Variants in ULK4 observed in about 807,000 individuals in gnomAD.
ULK4 encodes the protein unc-51 like kinase 4, also known as inactive serine/threonine-protein kinase ULK4.
Under a neutral mutation model 160.6 loss-of-function variants are expected in ULK4, and 133 were observed. The observed-to-expected ratio is 0.83, with a 90% CI of 0.72 to 0.96. The LOEUF is 0.96. Among genes scored for constraint, ULK4 ranks in the 40% least tolerant of loss-of-function variants. The pLI, the probability that ULK4 is intolerant of heterozygous loss-of-function variation, is 0.00. For synonymous variants in ULK4, 534 were observed against 539.8 expected (o/e 0.99, Z 0.15); for missense variants, 1,580 against 1,499.5 (o/e 1.05, Z -0.89).
At chr3:41,738,026 C>T (rs1381473124) in intron 22 of ULK4, among the ~76,000 whole-genome samples, 2 of 151,654 alleles carry the variant, frequency 1.3e-5, no homozygotes, top group Non-Finnish European at 2.9e-5. Flanking sequence ...GCCATATGAA[C>T]ATAAAACCAA....
chr3:41,830,271 A>G (rs2125645569), intron 18 of ULK4, among the ~76,000 whole-genome samples: 1 of 152,276 alleles, frequency 6.6e-6, no homozygotes, highest in South Asian at 2.1e-4. Flanking sequence ...TGTTATGCAC[A>G]TGTACCCTAA....
At chr3:41,904,027 C>T (rs1375397176) in intron 12 of ULK4, among the ~76,000 whole-genome samples, 2 of 148,126 alleles carry the variant, frequency 1.4e-5, no homozygotes, top group Non-Finnish European at 3.0e-5. Context: ...AGTGTTTACC[C>T]GGGAATTATA....
chr3:41,345,630 G>A (rs2080782418), intron 35 of ULK4, among the ~76,000 whole-genome samples: 1 of 152,164 alleles, frequency 6.6e-6, no homozygotes, highest in African/African-American at 2.4e-5. Context: ...GTTAGAGGTT[G>A]GGGGTGGCGG....
chr3:41,543,488 A>T (rs2086760307), intron 32 of ULK4, among the ~76,000 whole-genome samples: 1 of 152,210 alleles, frequency 6.6e-6, no homozygotes, highest in African/African-American at 2.4e-5. Context: ...AACACACTGT[A>T]GTACCTGATC....
At position 41,425,131 on chromosome 3, in the gene ULK4, A is replaced by C. The variant is rs540292800; in HGVS notation, c.3493-26867T>G. Reference sequence around the variant, plus strand: ...ACAGACGGAGCTGAAAAACCACAATACAAGAACTTCGCAATGCAACCACAA... The same window carrying C: ...ACAGACGGAGCTGAAAAACCACAATCCAAGAACTTCGCAATGCAACCACAA... On this transcript the variant is annotated intron_variant, in intron 34 of 36. Coordinates refer to ENST00000301831, the MANE Select transcript of ULK4 (RefSeq NM_017886.4). 2.6e-4 allele frequency among the ~76,000 whole-genome samples: 39 copies of C among 152,256 alleles called. No homozygotes were observed. In the South Asian group the frequency reaches 7.7e-3, roughly 30 times the overall value.
intron 7 of ULK4, among the ~76,000 whole-genome samples, chr3:41,917,176 T>C (rs906757293): frequency 2.0e-5 from 3 of 152,200 alleles, no homozygotes; most frequent in Admixed American, 1.3e-4. Flanking sequence ...AAATTAGTTA[T>C]ATACCATATC....
chr3:41,711,912 C>T (rs976092812), intron 25 of ULK4, among the ~76,000 whole-genome samples: 2 of 152,208 alleles, frequency 1.3e-5, no homozygotes, highest in African/African-American at 4.8e-5. Flanking sequence ...AGAGACTAGA[C>T]TGCTGAAACC....
At chr3:41,517,274 C>G (rs1209279320) in intron 32 of ULK4, among the ~76,000 whole-genome samples, 3 of 152,170 alleles carry the variant, frequency 2.0e-5, no homozygotes, top group African/African-American at 7.2e-5. Context: ...CTATCCATCC[C>G]TCCTCCAGCA....
At chr3:41,305,640 A>AC (rs1452656692) in intron 35 of ULK4, among the ~76,000 whole-genome samples, 2 of 150,860 alleles carry the variant, frequency 1.3e-5, no homozygotes, top group Non-Finnish European at 2.9e-5. Context: ...CCCGGCTGCC[A>AC]CCCCGTCTGG....
chr3:41,335,029 C>T (rs897321147), intron 35 of ULK4, among the ~76,000 whole-genome samples: 3 of 152,116 alleles, frequency 2.0e-5, no homozygotes, highest in Non-Finnish European at 4.4e-5. Context: ...GAAAGGTCAA[C>T]AAAAGTAAAC....
intron 34 of ULK4, among the ~76,000 whole-genome samples, chr3:41,441,408 T>C (rs1481468969): frequency 6.6e-6 from 1 of 152,094 alleles, no homozygotes; most frequent in African/African-American, 2.4e-5. Context: ...CATGACTCTT[T>C]AGGAGTGTGT....
chr3:41,878,294 A>C (rs1479607315), intron 17 of ULK4, among the ~76,000 whole-genome samples: 1 of 152,182 alleles, frequency 6.6e-6, no homozygotes, highest in East Asian at 1.9e-4. Flanking sequence ...GCAAACTTGA[A>C]AGAGCTCCCA....
chr3:41,486,909 TG>T (rs2084557780), intron 32 of ULK4, among the ~76,000 whole-genome samples: 1 of 152,136 alleles, frequency 6.6e-6, no homozygotes, highest in Non-Finnish European at 1.5e-5. Flanking sequence ...TACTCAGATT[TG>T]GTTAGGTAAT....
At chr3:41,291,728 G>C (rs2079569530) in intron 35 of ULK4, among the ~76,000 whole-genome samples, 1 of 152,060 alleles carries the variant, frequency 6.6e-6, no homozygotes, top group Non-Finnish European at 1.5e-5. Context: ...GACATGATGG[G>C]GCTTCTGGGG....
At chr3:41,729,938 T>C (rs112088747) in intron 22 of ULK4, among the ~76,000 whole-genome samples, 3 of 152,332 alleles carry the variant, frequency 2.0e-5, no homozygotes, top group African/African-American at 7.2e-5. Flanking sequence ...TTTTCAAAAT[T>C]ATATTAAGTA....
intron 34 of ULK4, among the ~76,000 whole-genome samples, chr3:41,431,462 A>G (rs1216612831): frequency 6.7e-6 from 1 of 150,082 alleles, no homozygotes; most frequent in Non-Finnish European, 1.5e-5. Context: ...GGTGTTTAAC[A>G]TATGCCAAGG....
intron 21 of ULK4, among the ~76,000 whole-genome samples, chr3:41,772,551 C>T (rs2039431708): frequency 6.6e-6 from 1 of 152,208 alleles, no homozygotes; most frequent in Admixed American, 6.5e-5. Flanking sequence ...AGACCAATAA[C>T]AGGATCTGAA....
chr3:41,875,080 T>C (rs1467418242), intron 17 of ULK4, among the ~76,000 whole-genome samples: 1 of 152,148 alleles, frequency 6.6e-6, no homozygotes, highest in African/African-American at 2.4e-5. Flanking sequence ...CTGGGGAGGC[T>C]GAAGTGGGAG....
chr3:41,382,301 CA>C (rs1197243244), intron 35 of ULK4, among the ~76,000 whole-genome samples: 1 of 152,198 alleles, frequency 6.6e-6, no homozygotes, highest in East Asian at 1.9e-4. Context: ...TGCCACAGAG[CA>C]GGCACTCAAT....
Sources: gnomAD v4.1 joint callset for allele counts (sites outside exome capture counted in the v4.1 genomes callset) on GRCh38, gnomAD v4.1.1 for gene constraint, MANE v1.5 for transcripts, NCBI Gene and HGNC (gene_info 2026-07-23, HGNC 2026-07-21) for gene names.